Variants in CRYBG3 observed in about 807,000 individuals in gnomAD.
The protein encoded by CRYBG3 is very large A-kinase anchor protein.
CRYBG3 carries 127 observed loss-of-function variants against 244.2 expected under a neutral mutation model. The ratio of observed to expected loss-of-function variants is 0.52; its 90% CI spans 0.45 to 0.60. The LOEUF (loss-of-function observed/expected upper bound fraction) is 0.60. CRYBG3 is among the 20% of genes least tolerant of loss of function. The pLI, the probability that CRYBG3 is intolerant of heterozygous loss-of-function variation, is 0.00. For missense variants in CRYBG3, 3,325 were observed against 3,442.5 expected (o/e 0.97, Z 0.85); for synonymous variants, 1,132 against 1,195.8 (o/e 0.95, Z 1.10).
chr3:97,935,220 C>T (rs894419556), intron 18 of CRYBG3, among the ~76,000 whole-genome samples: 1 of 152,086 alleles, frequency 6.6e-6, no homozygotes, highest in Admixed American at 6.6e-5. Flanking sequence ...AGTTTTCCAA[C>T]TGTGGAATTC....
chr3:97,872,576 CAATT>C lies in CRYBG3; in HGVS notation c.1384_1387del (p.Ile462GlyfsTer18). The C allele has an allele frequency of 1.3e-6, 2 of 1,535,940 alleles. No individual in the cohort carries two copies. Among genetic ancestry groups the C allele is most frequent in the Non-Finnish European group, 1.7e-6 (2 of 1,146,834 alleles). On this transcript the variant is annotated frameshift_variant, in exon 4 of 22. Coordinates refer to ENST00000389622, the MANE Select transcript of CRYBG3 (RefSeq NM_153605.4). LOFTEE classifies it high-confidence loss of function. ...ACAAATTTGCCAAGTCCAAATAAAT[CAATT>C]AGGCATGAACATCTGCAGTTGCCAG...
chr3:97,862,290 A>T (rs944281568), intron 2 of CRYBG3, among the ~76,000 whole-genome samples: 5 of 152,140 alleles, frequency 3.3e-5, no homozygotes, highest in Non-Finnish European at 7.4e-5. Context: ...AAAAGTGGTA[A>T]TCTTGTTCAT....
At chr3:97,900,786 A>C (rs1487417747) in intron 15 of CRYBG3, among the ~76,000 whole-genome samples, 2 of 152,204 alleles carry the variant, frequency 1.3e-5, no homozygotes, top group Non-Finnish European at 2.9e-5. Context: ...CTTCAGTGTC[A>C]CATTCTTCAT....
chr3:97,943,121 A>G, intron 21 of CRYBG3, 105 bp from the exon 22 acceptor site: 2 of 650,246 alleles, frequency 3.1e-6, no homozygotes, highest in South Asian at 1.9e-5. Flanking sequence ...TAAATGACAC[A>G]TTCATCCACC....
intron 19 of CRYBG3, among the ~76,000 whole-genome samples, chr3:97,938,808 A>G (rs1450158448): frequency 1.3e-5 from 2 of 151,888 alleles, no homozygotes; most frequent in Admixed American, 1.3e-4. Context: ...TATTATTATT[A>G]TTATTCACAA....
At chr3:97,920,268 C>T (rs1245550386) in intron 17 of CRYBG3, among the ~76,000 whole-genome samples, 1 of 152,124 alleles carries the variant, frequency 6.6e-6, no homozygotes, top group Admixed American at 6.6e-5. Context: ...CTTGGTCTCT[C>T]AAGTGTAGAT....
chr3:97,856,635 G>A (rs2039069225), intron 2 of CRYBG3, among the ~76,000 whole-genome samples: 1 of 151,964 alleles, frequency 6.6e-6, no homozygotes, highest in Non-Finnish European at 1.5e-5. Context: ...CTCCGTTTGG[G>A]GTCCCTGACT....
chr3:97,915,628 A>T lies in CRYBG3; in HGVS notation c.8133A>T (p.Gln2711His). 6.2e-7 allele frequency: 1 copy of T among 1,611,542 alleles called. No individual in the cohort carries two copies. Among genetic ancestry groups the T allele is most frequent in the Non-Finnish European group, 8.5e-7 (1 of 1,178,184 alleles). Residue 2711 changes from glutamine (Q) to histidine (H), a missense_variant, in exon 17 of 22, where the codon CAA (glutamine) becomes CAT (histidine). This residue lies in a region of CRYBG3 where 714 missense variants were observed against 803.6 expected (regional missense o/e 0.89). Transcript: ENST00000389622. ...CTTTTAGCTGGCTCCTCTATTACCA[A>T]GAAGACATGTTTGTTAATCACTGTG... ...VLRGCWLLYYQEDMFVNHCVL... is the reference protein window; with the variant it reads ...VLRGCWLLYYHEDMFVNHCVL...
At chr3:97,866,428 T>C (rs1454464430) in intron 3 of CRYBG3, among the ~76,000 whole-genome samples, 1 of 152,178 alleles carries the variant, frequency 6.6e-6, no homozygotes, top group Non-Finnish European at 1.5e-5. Flanking sequence ...TCTAAAGCAG[T>C]ACTATTCAAA....
chr3:97,920,542 T>A (rs983082470), intron 17 of CRYBG3, among the ~76,000 whole-genome samples: 6 of 151,018 alleles, frequency 4.0e-5, no homozygotes, highest in Non-Finnish European at 7.4e-5. Context: ...CTCCCCCCAC[T>A]TTTTTTAGAT....
Position 97,936,783 on chromosome 3 carries a change from A to G in CRYBG3, c.8382-2A>G. On this transcript the variant is annotated splice_acceptor_variant, in intron 18 of 21. Coordinates refer to ENST00000389622, the MANE Select transcript of CRYBG3 (RefSeq NM_153605.4). LOFTEE classifies it high-confidence loss of function. Reference sequence around the variant, plus strand: ...CTACTTTTTTCTTTCTTGTTCTCATAGATGGATAGCTTATGAAGGATCCAA... The same window carrying G: ...CTACTTTTTTCTTTCTTGTTCTCATGGATGGATAGCTTATGAAGGATCCAA... The G allele has an allele frequency of 2.5e-6, 4 of 1,611,470 alleles. No homozygotes were observed. The South Asian group carries it at 3.3e-5, about 13-fold the overall frequency.
chr3:97,939,120 G>GATGT (rs762112816), intron 19 of CRYBG3, among the ~76,000 whole-genome samples: 11 of 151,946 alleles, frequency 7.2e-5, no homozygotes, highest in Non-Finnish European at 1.5e-4. Context: ...GGGGAAGAAG[G>GATGT]ATGTCCCTGC....
chr3:97,937,095 G>A (rs2040173226), intron 19 of CRYBG3, among the ~76,000 whole-genome samples, 187 bp downstream of exon 19: 1 of 151,980 alleles, frequency 6.6e-6, no homozygotes, highest in African/African-American at 2.4e-5. Context: ...AGTCAACATT[G>A]GATTTCAGTT....
chr3:97,932,589 C>T (rs1229919649), intron 17 of CRYBG3, among the ~76,000 whole-genome samples: 2 of 152,054 alleles, frequency 1.3e-5, no homozygotes, highest in East Asian at 3.9e-4. Flanking sequence ...TGCTTTGCTT[C>T]TTATCTACCG....
chr3:97,902,835 AT>A (rs2039721457), intron 15 of CRYBG3, among the ~76,000 whole-genome samples: 1 of 152,002 alleles, frequency 6.6e-6, no homozygotes, highest in Admixed American at 6.6e-5. Context: ...ACTTTTTTTA[AT>A]TTTTCCCCCA....
chr3:97,932,800 CTT>C (rs767750613), intron 17 of CRYBG3, among the ~76,000 whole-genome samples: 51 of 152,042 alleles, frequency 3.4e-4, no homozygotes, highest in Non-Finnish European at 6.9e-4. Flanking sequence ...ATGTGTTTCT[CTT>C]GTCTTGCTTT....
At chr3:97,891,500 A>G (rs371486329) in intron 10 of CRYBG3, among the ~76,000 whole-genome samples, 2 of 152,340 alleles carry the variant, frequency 1.3e-5, no homozygotes, top group Middle Eastern at 3.4e-3. Flanking sequence ...TGGAATTAAA[A>G]TATAAAAATA....
At chr3:97,943,001 A>G (rs1169202852) in intron 21 of CRYBG3, 3 of 487,112 alleles carry the variant, frequency 6.2e-6, no homozygotes, top group East Asian at 7.6e-5. Context: ...CACTTATACA[A>G]TCATGTATTA....
chr3:97,940,317 G>T (rs2107109187), intron 19 of CRYBG3, among the ~76,000 whole-genome samples: 1 of 152,082 alleles, frequency 6.6e-6, no homozygotes, highest in East Asian at 1.9e-4. Context: ...AGAGCATCCT[G>T]GTTAAGAGGA....
Sources: gnomAD v4.1 joint callset for allele counts (sites outside exome capture counted in the v4.1 genomes callset) on GRCh38, gnomAD v4.1.1 for gene constraint, gnomAD v4.1.1 regional missense constraint, MANE v1.5 for transcripts, NCBI Gene and HGNC (gene_info 2026-07-23, HGNC 2026-07-21) for gene names.